The following PABPC4L variants were observed in gnomAD, a reference collection of about 807,000 sequenced individuals.
PABPC4L encodes the protein polyadenylate-binding protein 4-like.
For synonymous variants in PABPC4L, 169 were observed against 164.1 expected, an observed-to-expected ratio of 1.03 and a Z score of -0.23; for missense variants, 452 against 451.4, an observed-to-expected ratio of 1.00 and a Z score of -0.01.
the PABPC4L span, among the ~76,000 whole-genome samples, chr4:133,969,328 C>A: frequency 6.6e-6 from 1 of 152,088 alleles, no homozygotes; most frequent in African/African-American, 2.4e-5. Flanking sequence ...TAAAATCATA[C>A]CCCATTTAAA....
At chr4:133,975,947 A>T in the PABPC4L span, among the ~76,000 whole-genome samples, 6 of 152,188 alleles carry the variant, frequency 3.9e-5, no homozygotes, top group African/African-American at 1.4e-4. Context: ...ACACAAACAC[A>T]TATATTTATT....
chr4:133,978,116 T>A, the PABPC4L span: 29 of 152,174 alleles, frequency 1.9e-4, no homozygotes, highest in African/African-American at 7.0e-4. Flanking sequence ...ATCTACTCTA[T>A]GAATGACATT....
the PABPC4L span, among the ~76,000 whole-genome samples, chr4:134,178,807 A>T: frequency 3.3e-5 from 5 of 152,164 alleles, 1 homozygote; most frequent in Non-Finnish European, 7.4e-5. Context: ...CAGAGCTTGA[A>T]AACTGATCCT....
chr4:133,974,866 G>A, the PABPC4L span, among the ~76,000 whole-genome samples: 4 of 152,064 alleles, frequency 2.6e-5, no homozygotes, highest in Admixed American at 2.6e-4. Context: ...GCAAAAATGT[G>A]GAGCAACTGG....
Position 134,199,878 on chromosome 4 carries a change from T to C in PABPC4L, c.*29A>G. ...CTATCATTCTCCCACCTGCTGCAGA[T>C]ACTAGCTGGAAAGGTACGTTTTTCT... is the stretch of plus-strand genomic sequence containing the variant. On this transcript the variant is annotated 3_prime_UTR_variant, in exon 2 of 2. Transcript: ENST00000421491. 3 of 1,546,964 alleles carry C rather than the reference T, an allele frequency of 1.9e-6. No homozygotes were observed. The highest frequency in any genetic ancestry group is 2.6e-6 in the Non-Finnish European group (3 of 1,145,742).
chr4:134,143,764 T>C, the PABPC4L span, among the ~76,000 whole-genome samples: 1 of 151,434 alleles, frequency 6.6e-6, no homozygotes, highest in Admixed American at 6.6e-5. Flanking sequence ...ATAATTATGA[T>C]AAATAAATGA....
chr4:134,041,128 A>T, the PABPC4L span, among the ~76,000 whole-genome samples: 1 of 152,164 alleles, frequency 6.6e-6, no homozygotes, highest in Non-Finnish European at 1.5e-5. Flanking sequence ...TGTTGGTGGC[A>T]GTGTAAATTA....
the PABPC4L span, among the ~76,000 whole-genome samples, chr4:134,078,184 A>ATATAT: frequency 6.6e-6 from 1 of 152,192 alleles, no homozygotes; most frequent in African/African-American, 2.4e-5. Context: ...ATACTATACC[A>ATATAT]AGCACAGAAA....
chr4:134,189,675 T>C, the PABPC4L span, among the ~76,000 whole-genome samples: 8 of 152,188 alleles, frequency 5.3e-5, no homozygotes, highest in Non-Finnish European at 1.2e-4. Context: ...AAGCATCCTG[T>C]AGTCTTATGA....
the PABPC4L span, among the ~76,000 whole-genome samples, chr4:134,065,121 T>C: frequency 6.6e-6 from 1 of 152,042 alleles, no homozygotes; most frequent in Non-Finnish European, 1.5e-5. Context: ...CAATGTGGGA[T>C]TACTGGCTCA....
chr4:134,113,293 CCACT>C, the PABPC4L span, among the ~76,000 whole-genome samples: 1 of 151,944 alleles, frequency 6.6e-6, no homozygotes, highest in Non-Finnish European at 1.5e-5. Context: ...CATTCACTCA[CCACT>C]CACTCACTGA....
At chr4:134,021,500 A>G in the PABPC4L span, among the ~76,000 whole-genome samples, 1 of 152,176 alleles carries the variant, frequency 6.6e-6, no homozygotes, top group African/African-American at 2.4e-5. Flanking sequence ...TGGGACAGAA[A>G]GTAAACATAA....
chr4:134,019,734 T>C, the PABPC4L span, among the ~76,000 whole-genome samples: 1 of 152,146 alleles, frequency 6.6e-6, no homozygotes, highest in African/African-American at 2.4e-5. Context: ...ATCTTAGTAG[T>C]TTTAAACAAT....
chr4:134,045,022 A>T, the PABPC4L span, among the ~76,000 whole-genome samples: 2 of 152,162 alleles, frequency 1.3e-5, no homozygotes, highest in Non-Finnish European at 2.9e-5. Context: ...TGGTATTTAT[A>T]ACTTTGTCTT....
chr4:134,136,456 C>A, the PABPC4L span, among the ~76,000 whole-genome samples: 1 of 152,060 alleles, frequency 6.6e-6, no homozygotes, highest in Admixed American at 6.6e-5. Flanking sequence ...ACCCATGGAG[C>A]AATTTGTTTT....
At chr4:134,098,079 G>A in the PABPC4L span, among the ~76,000 whole-genome samples, 2 of 151,758 alleles carry the variant, frequency 1.3e-5, no homozygotes, top group African/African-American at 4.8e-5. Context: ...CTCTGAGGCT[G>A]TTAATACTTA....
chr4:133,970,686 C>T, the PABPC4L span, among the ~76,000 whole-genome samples: 1 of 152,058 alleles, frequency 6.6e-6, no homozygotes, highest in African/African-American at 2.4e-5. Flanking sequence ...AAATTCTAAC[C>T]CTCAAGGTGG....
the PABPC4L span, among the ~76,000 whole-genome samples, chr4:134,117,051 A>G: frequency 6.9e-6 from 1 of 144,818 alleles, no homozygotes; most frequent in Admixed American, 6.9e-5. Context: ...TCTTTTTTCT[A>G]TCCTTTCTTT....
the PABPC4L span, among the ~76,000 whole-genome samples, chr4:134,114,331 C>A: frequency 1.3e-5 from 2 of 151,654 alleles, no homozygotes; most frequent in African/African-American, 2.4e-5. Context: ...TGTAACAAAC[C>A]TCATGGCTCA....
Sources: allele counts gnomAD v4.1 joint callset (sites outside exome capture counted in the v4.1 genomes callset), GRCh38; gene constraint gnomAD v4.1.1; transcripts MANE v1.5; gene names NCBI Gene and HGNC (gene_info 2026-07-23, HGNC 2026-07-21).